The following BAIAP2 variants were observed in gnomAD, a reference collection of about 807,000 sequenced individuals.
The protein encoded by BAIAP2 is BAR/IMD domain-containing adapter protein 2.
BAIAP2 carries 18 observed loss-of-function variants against 63.0 expected under a neutral mutation model. The observed-to-expected ratio is 0.29, with a 90% CI of 0.20 to 0.42. The LOEUF (loss-of-function observed/expected upper bound fraction) is 0.42. Among genes scored for constraint, BAIAP2 ranks in the 10% least tolerant of loss-of-function variants. The pLI, the probability that BAIAP2 is intolerant of heterozygous loss-of-function variation, is 1.00. For synonymous variants in BAIAP2, 386 were observed against 307.6 expected, an observed-to-expected ratio of 1.25 and a Z score of -2.67; for missense variants, 610 against 734.3, an observed-to-expected ratio of 0.83 and a Z score of 1.96.
chr17:81,074,885 C>G (rs1448641919), intron 3 of BAIAP2, among the ~76,000 whole-genome samples: 1 of 152,230 alleles, frequency 6.6e-6, no homozygotes, highest in African/African-American at 2.4e-5. Flanking sequence ...GCCAGGGAAC[C>G]TCGGCGAAGT....
intron 13 of BAIAP2, 75 bp from the exon 14 acceptor site, chr17:81,115,695 C>G: frequency 6.4e-7 from 1 of 1,557,742 alleles, no homozygotes; most frequent in African/African-American, 1.4e-5. Flanking sequence ...ATCCCTGGGG[C>G]ATCGGGCAGC....
chr17:81,064,633 G>C (rs1018900007), intron 3 of BAIAP2, among the ~76,000 whole-genome samples: 5 of 152,170 alleles, frequency 3.3e-5, no homozygotes, highest in Non-Finnish European at 7.3e-5. Flanking sequence ...AGCTGGGGCT[G>C]CCCCTTTGTT....
At chr17:81,065,258 A>AG (rs1189849466) in intron 3 of BAIAP2, among the ~76,000 whole-genome samples, 1 of 152,198 alleles carries the variant, frequency 6.6e-6, no homozygotes, top group East Asian at 1.9e-4. Flanking sequence ...AGGTGACCCG[A>AG]GGGAGGGCGG....
intron 1 of BAIAP2, among the ~76,000 whole-genome samples, chr17:81,038,484 A>C (rs950798399): frequency 6.6e-6 from 1 of 152,180 alleles, no homozygotes; most frequent in Non-Finnish European, 1.5e-5. Flanking sequence ...GAGGAGGAGG[A>C]GTCCCTGTTG....
Position 81,103,612 on chromosome 17 carries a change from C to T in BAIAP2, c.753C>T (p.Gly251=), listed in dbSNP as rs780259021. ...TCATGCAGCAGGTGGCCAGCAACGGCGCCACCCTCCCCAGCGCCCTGTCGG... is the reference window on the plus strand; with the variant it reads ...TCATGCAGCAGGTGGCCAGCAACGGTGCCACCCTCCCCAGCGCCCTGTCGG... ...VQLMQQVASN[G]ATLPSALSAS... is the part of the protein sequence containing the mutation. The change falls in exon 8 of 14, where the codon GGC becomes GGT. Residue 251 remains glycine, a synonymous_variant. Coordinates refer to ENST00000428708, the MANE Select transcript of BAIAP2 (RefSeq NM_001144888.2). 41 of 1,605,410 alleles carry T rather than the reference C, an allele frequency of 2.6e-5. No individual in the cohort carries two copies. Among genetic ancestry groups the T allele is most frequent in the Non-Finnish European group, 3.1e-5 (36 of 1,179,260 alleles).
At chr17:81,052,367 C>T (rs2048809581) in intron 1 of BAIAP2, among the ~76,000 whole-genome samples, 2 of 152,252 alleles carry the variant, frequency 1.3e-5, no homozygotes, top group Non-Finnish European at 2.9e-5. Context: ...CTGCATCCCC[C>T]ACCCCCGTGC....
chr17:81,115,241 G>A lies in BAIAP2; in HGVS notation c.1536-529G>A, dbSNP rs534470711. 2.6e-3 allele frequency among the ~76,000 whole-genome samples: 393 copies of A among 152,340 alleles called. 1 individual carries two copies. Among genetic ancestry groups the A allele is most frequent in the Non-Finnish European group, 3.2e-3 (217 of 68,032 alleles). On this transcript the variant is annotated intron_variant, in intron 13 of 13. Transcript: ENST00000428708. ...CAGGGGATGGCCAGCTGCTCTGCAG[G>A]GCCCATGGGTGTCCATCTGCAGCCC...
At position 81,115,767 on chromosome 17, in the gene BAIAP2, C is replaced by T. The variant is rs1186650330; in HGVS notation, c.1536-3C>T. ...AAATTAAAACCACGTTTTTCTCTTT[C>T]AGGAATCCCTTTGCCCACGTCCAGC... On this transcript the variant is annotated splice_region_variant and splice_polypyrimidine_tract_variant and intron_variant, in intron 13 of 13. Coordinates refer to ENST00000428708, the MANE Select transcript of BAIAP2 (RefSeq NM_001144888.2). 1.9e-6 allele frequency: 3 copies of T among 1,613,532 alleles called. No individual in the cohort carries two copies. Among genetic ancestry groups the T allele is most frequent in the East Asian group, 2.2e-5 (1 of 44,894 alleles).
intron 13 of BAIAP2, chr17:81,108,839 G>C: frequency 7.2e-7 from 1 of 1,387,766 alleles, no homozygotes; most frequent in Non-Finnish European, 9.6e-7. Flanking sequence ...CCTTGTCCTG[G>C]GTCTTCCTGG....
chr17:81,062,099 C>T (rs1378928564), intron 3 of BAIAP2, among the ~76,000 whole-genome samples: 1 of 152,112 alleles, frequency 6.6e-6, no homozygotes, highest in African/African-American at 2.4e-5. Flanking sequence ...CCGGCCACCA[C>T]ACCCGCCTAA....
chr17:81,093,594 T>TGGG (rs1317488446), intron 6 of BAIAP2, among the ~76,000 whole-genome samples: 1 of 151,952 alleles, frequency 6.6e-6, no homozygotes, highest in Non-Finnish European at 1.5e-5. Context: ...AGGATCATCG[T>TGGG]GGGGGTCCTG....
chr17:81,036,890 C>A, intron 1 of BAIAP2: 1 of 1,535,942 alleles, frequency 6.5e-7, no homozygotes, highest in Non-Finnish European at 8.7e-7. Flanking sequence ...CCAGCGGAAC[C>A]TTTTTCCTAT....
intron 7 of BAIAP2, among the ~76,000 whole-genome samples, chr17:81,102,254 G>C (rs936352447): frequency 6.6e-6 from 1 of 152,150 alleles, no homozygotes; most frequent in African/African-American, 2.4e-5. Flanking sequence ...CTGCCTCGGG[G>C]CTCTCAGGGT....
chr17:81,116,420 C>A lies in BAIAP2; in HGVS notation c.*581C>A. The A allele has an allele frequency of 7.2e-7, 1 of 1,384,976 alleles. No individual in the cohort carries two copies. Among genetic ancestry groups the A allele is most frequent in the African/African-American group, 1.4e-5 (1 of 69,954 alleles). 85.8% of individuals were successfully genotyped at this position (1,384,976 alleles called of 1,614,324 possible). A position where few individuals can be genotyped will look rare whatever the true frequency, so the allele number is the denominator to read the frequency against. On this transcript the variant is annotated 3_prime_UTR_variant, in exon 14 of 14. Transcript: ENST00000428708. Reference sequence around the variant, plus strand: ...CTCCTGGGCCCCTCACTCCCACTGGCAATGTCACAAGGGCCTCCCCAGGCC... The same window carrying A: ...CTCCTGGGCCCCTCACTCCCACTGGAAATGTCACAAGGGCCTCCCCAGGCC...
At chr17:81,076,605 C>A (rs973574218) in intron 3 of BAIAP2, 1 of 152,198 alleles carries the variant, frequency 6.6e-6, no homozygotes, top group Non-Finnish European at 1.5e-5. Flanking sequence ...AGCACTGTTA[C>A]AAAAGGCCAC....
intron 9 of BAIAP2, 127 bp from the exon 10 acceptor site, chr17:81,104,387 G>A (rs1328078076): frequency 7.4e-6 from 8 of 1,075,876 alleles, no homozygotes; most frequent in Non-Finnish European, 1.1e-5. Context: ...GCTGCGGAGA[G>A]CTTAGCCAGC....
chr17:81,107,114 C>T, intron 12 of BAIAP2: 1 of 613,402 alleles, frequency 1.6e-6, no homozygotes, highest in Non-Finnish European at 2.6e-6. Flanking sequence ...AGCAGGCTCC[C>T]TGTGTCGGCA....
intron 1 of BAIAP2, chr17:81,036,864 G>T: frequency 6.5e-7 from 1 of 1,535,704 alleles, no homozygotes; most frequent in Non-Finnish European, 8.7e-7. Context: ...TGATTGCAGA[G>T]GGTGGAAGAG....
chr17:81,056,834 G>A, intron 2 of BAIAP2, among the ~76,000 whole-genome samples: 1 of 152,186 alleles, frequency 6.6e-6, no homozygotes, highest in Non-Finnish European at 1.5e-5. Flanking sequence ...TTTTTCTGCT[G>A]TTGCGTTTTT....
Sources: allele counts gnomAD v4.1 joint callset (sites outside exome capture counted in the v4.1 genomes callset), GRCh38; gene constraint gnomAD v4.1.1; transcripts MANE v1.5; gene names NCBI Gene and HGNC (gene_info 2026-07-23, HGNC 2026-07-21).